Variants in JMJD1C observed in about 807,000 individuals in gnomAD.
JMJD1C encodes jumonji domain containing 1C.
Under a neutral mutation model 245.3 loss-of-function variants are expected in JMJD1C, and 31 were observed. The observed-to-expected ratio is 0.13, with a 90% CI of 0.09 to 0.17. JMJD1C has a LOEUF of 0.17. Ranked by LOEUF, JMJD1C falls within the 10% of genes least tolerant of loss-of-function variation. JMJD1C has a pLI of 1.00. For missense variants in JMJD1C, 2,691 were observed against 3,000.2 expected (o/e 0.90, Z 2.41); for synonymous variants, 1,057 against 1,017.4 (o/e 1.04, Z -0.74).
rs200647078 is a variant in JMJD1C, at chr10:63,449,668, G to A, written c.168+15827C>T. 7.9e-5 allele frequency among the ~76,000 whole-genome samples: 12 copies of A among 152,068 alleles called. No individual in the cohort carries two copies. The East Asian group carries it at 2.3e-3, about 29-fold the overall frequency. ...TCTAAGAATAAGCCTAACAAACACA[G>A]GACGTATATGAAGAAAATCATATCC... On this transcript the variant is annotated intron_variant, in intron 1 of 25. Coordinates refer to ENST00000399262, the MANE Select transcript of JMJD1C (RefSeq NM_032776.3).
intron 2 of JMJD1C, among the ~76,000 whole-genome samples, chr10:63,320,641 C>T (rs909352509): frequency 6.6e-6 from 1 of 152,150 alleles, no homozygotes; most frequent in African/African-American, 2.4e-5. Context: ...GACTCTTCTT[C>T]GACTATTGTG....
chr10:63,274,171 T>C (rs1291069887), intron 2 of JMJD1C, among the ~76,000 whole-genome samples: 2 of 152,238 alleles, frequency 1.3e-5, no homozygotes, highest in Non-Finnish European at 2.9e-5. Context: ...GAAAGCTGAC[T>C]ATAATTCATT....
chr10:63,407,364 C>G (rs554853530), intron 1 of JMJD1C, among the ~76,000 whole-genome samples: 2 of 152,028 alleles, frequency 1.3e-5, no homozygotes, highest in African/African-American at 4.8e-5. Context: ...AGGACTAGAC[C>G]CTCCTTTCAT....
At position 63,167,951 on chromosome 10, in the gene JMJD1C, T is replaced by C; in HGVS notation, c.*94A>G. On this transcript the variant is annotated 3_prime_UTR_variant, in exon 26 of 26. Transcript: ENST00000399262. ...AAAGAGAATTTCTTGGCACTGATGG[T>C]TTTATGAAGCTTAAAGTCAGTGTGC... 5.2e-6 allele frequency: 4 copies of C among 771,854 alleles called. No homozygotes were observed. Among genetic ancestry groups the C allele is most frequent in the Non-Finnish European group, 9.0e-6 (4 of 443,216 alleles). 47.8% of individuals were successfully genotyped at this position (771,854 alleles called of 1,614,324 possible).
At chr10:63,253,576 G>A (rs1488396501) in intron 3 of JMJD1C, among the ~76,000 whole-genome samples, 3 of 152,018 alleles carry the variant, frequency 2.0e-5, no homozygotes, top group Admixed American at 2.0e-4. Context: ...AGTAGAGATG[G>A]GGTTTCACCA....
rs1213816922 is a variant in JMJD1C at position 63,215,588 on chromosome 10, T to C, written c.787A>G (p.Arg263Gly). ...GENIGITSRRRSRANQNVNAV... is the reference protein window; with the variant it reads ...GENIGITSRRGSRANQNVNAV... ...TTGACGTTTTGATTGGCACGAGACCTGCGTCGTGATGTAATGCCAATATTT... is the reference window on the plus strand; with the variant it reads ...TTGACGTTTTGATTGGCACGAGACCCGCGTCGTGATGTAATGCCAATATTT... The change falls in exon 6 of 26, where the codon AGG becomes GGG. Residue 263 changes from arginine to glycine, a missense_variant. By Grantham distance (125) the Arg-to-Gly change is moderately radical. Around this residue, in one of 9 missense-constraint regions of JMJD1C, gnomAD observed 172 missense variants for 240.8 expected, o/e 0.71. Transcript: ENST00000399262. The C allele has an allele frequency of 1.9e-6, 3 of 1,610,672 alleles. No homozygotes were observed. Among genetic ancestry groups the C allele is most frequent in the Non-Finnish European group, 2.5e-6 (3 of 1,177,134 alleles).
intron 2 of JMJD1C, among the ~76,000 whole-genome samples, chr10:63,293,756 A>G (rs1859046370): frequency 6.6e-6 from 1 of 151,284 alleles, no homozygotes; most frequent in Admixed American, 6.6e-5. Context: ...GACTTTGAAA[A>G]TACCATATTC....
At chr10:63,360,748 T>C (rs1006086316) in intron 2 of JMJD1C, among the ~76,000 whole-genome samples, 2 of 152,088 alleles carry the variant, frequency 1.3e-5, no homozygotes, top group African/African-American at 4.8e-5. Context: ...AAAAGTTACA[T>C]GTTTCAAATA....
chr10:63,196,732 T>C (rs550164355), intron 13 of JMJD1C, among the ~76,000 whole-genome samples: 3 of 152,350 alleles, frequency 2.0e-5, no homozygotes, highest in Admixed American at 1.3e-4. Context: ...AAAAATTCAA[T>C]ACCAGCTTTA....
At chr10:63,369,433 G>A (rs934089776) in intron 2 of JMJD1C, among the ~76,000 whole-genome samples, 1 of 152,148 alleles carries the variant, frequency 6.6e-6, no homozygotes, top group East Asian at 1.9e-4. Context: ...GTTTGCTACC[G>A]TGCCCAGCCC....
intron 1 of JMJD1C, among the ~76,000 whole-genome samples, chr10:63,492,923 C>T (rs1039455808): frequency 1.3e-5 from 2 of 152,114 alleles, no homozygotes; most frequent in African/African-American, 4.8e-5. Context: ...ACACTCTTAG[C>T]TGTGAGGTAC....
At chr10:63,184,260 A>G (rs563166657) in intron 21 of JMJD1C, among the ~76,000 whole-genome samples, 114 of 114,710 alleles carry the variant, frequency 9.9e-4, no homozygotes, top group Admixed American at 2.4e-3. Context: ...TTTTTTTTTG[A>G]GACGGAGTCT....
At chr10:63,295,385 C>A (rs1859260524) in intron 2 of JMJD1C, among the ~76,000 whole-genome samples, 1 of 152,074 alleles carries the variant, frequency 6.6e-6, no homozygotes, top group East Asian at 1.9e-4. Context: ...AGGTGTGAGC[C>A]ACCATGCCTA....
At chr10:63,373,033 AC>A in intron 2 of JMJD1C, 1 of 219,004 alleles carries the variant, frequency 4.6e-6, no homozygotes, top group South Asian at 6.7e-5. Context: ...CAGGGCCCTA[AC>A]CCAGTTAGGT....
intron 3 of JMJD1C, among the ~76,000 whole-genome samples, chr10:63,244,172 A>G (rs973274501): frequency 6.6e-6 from 1 of 152,230 alleles, no homozygotes; most frequent in Admixed American, 6.5e-5. Flanking sequence ...AGGAGATGCC[A>G]TATCAGAGTG....
intron 2 of JMJD1C, among the ~76,000 whole-genome samples, chr10:63,302,593 G>A (rs151094551): frequency 1.1e-3 from 162 of 152,224 alleles, no homozygotes; most frequent in African/African-American, 3.8e-3. Context: ...ACAACATCTT[G>A]GAACTATGTT....
At chr10:63,219,305 C>T (rs1848342657) in intron 4 of JMJD1C, among the ~76,000 whole-genome samples, 1 of 152,066 alleles carries the variant, frequency 6.6e-6, no homozygotes, top group Non-Finnish European at 1.5e-5. Flanking sequence ...CATTCAACAA[C>T]AGTTCATGCC....
At position 63,213,900 on chromosome 10, in the gene JMJD1C, GGAT is replaced by G; in HGVS notation, c.2264_2266del (p.His755del). The G allele has an allele frequency of 6.2e-7, 1 of 1,614,152 alleles. No homozygotes were observed. The highest frequency in any genetic ancestry group is 1.3e-5 in the African/African-American group (1 of 75,032). On this transcript the variant is annotated inframe_deletion, in exon 8 of 26. Coordinates refer to ENST00000399262, the MANE Select transcript of JMJD1C (RefSeq NM_032776.3). ...TAAATGGGGTGCAGGAGTTAAGGCA[GGAT>G]GATGGGTACCTGGATTTAAACAGGT... is the stretch of plus-strand genomic sequence containing the variant.
intron 2 of JMJD1C, among the ~76,000 whole-genome samples, chr10:63,314,880 T>C (rs1406713468): frequency 1.3e-5 from 2 of 152,042 alleles, no homozygotes; most frequent in Non-Finnish European, 2.9e-5. Context: ...ATGTCTGACT[T>C]TCAGGTGATC....
Sources: gnomAD v4.1 joint callset for allele counts (sites outside exome capture counted in the v4.1 genomes callset) on GRCh38, gnomAD v4.1.1 for gene constraint, gnomAD v4.1.1 regional missense constraint, MANE v1.5 for transcripts, NCBI Gene and HGNC (gene_info 2026-07-23, HGNC 2026-07-21) for gene names.